Variants in KAZN observed in about 807,000 individuals in gnomAD.
KAZN encodes the protein kazrin, periplakin interacting protein.
Under a neutral mutation model 87.4 loss-of-function variants are expected in KAZN, and 40 were observed. The ratio of observed to expected loss-of-function variants is 0.46; its 90% CI spans 0.36 to 0.60. The LOEUF is 0.60. Ranked by LOEUF, KAZN falls within the 20% of genes least tolerant of loss-of-function variation. The pLI, the probability that KAZN is intolerant of heterozygous loss-of-function variation, is 0.00. For synonymous variants in KAZN, 466 were observed against 458.3 expected (o/e 1.02, Z -0.22); for missense variants, 898 against 1,073.9 (o/e 0.84, Z 2.29).
chr1:13,934,291 C>T (rs917233762), intron 1 of KAZN, among the ~76,000 whole-genome samples: 18 of 152,096 alleles, frequency 1.2e-4, no homozygotes, highest in Non-Finnish European at 5.9e-5. Context: ...TCCATTGGGG[C>T]ACTGGGGGTG....
At chr1:14,096,661 G>T (rs186378936) in intron 1 of KAZN, among the ~76,000 whole-genome samples, 2 of 152,320 alleles carry the variant, frequency 1.3e-5, no homozygotes, top group East Asian at 3.9e-4. Context: ...CAGAATATAG[G>T]AGAGGGCACT....
Position 14,047,041 on chromosome 1 carries a change from C to G in KAZN, c.92-133394C>G, listed in dbSNP as rs150570882. Among the ~76,000 whole-genome samples, 591 of 152,280 alleles carry G rather than the reference C, an allele frequency of 3.9e-3. 5 individuals carry two copies. The highest frequency in any genetic ancestry group is 0.014 in the African/African-American group (569 of 41,548). On this transcript the variant is annotated intron_variant, in intron 1 of 16. Transcript: ENST00000636203. ...GGGTCCACTTTATTTATTCCTTTGT[C>G]TGTCCACCCATCTGTCCATCTGTGC...
rs188249993 is a variant in KAZN, at chr1:14,735,004, T to C, written c.226+135781T>C. ...TTCAGGAGGCAGTAGGTGTGCCTTGTACGAGGATGTGCGTCTTGGTTTTGG... is the reference window on the plus strand; with the variant it reads ...TTCAGGAGGCAGTAGGTGTGCCTTGCACGAGGATGTGCGTCTTGGTTTTGG... On this transcript the variant is annotated intron_variant, in intron 1 of 14. Coordinates refer to ENST00000376030, the MANE Select transcript of KAZN (RefSeq NM_201628.3). The surrounding 1 kb of genome is among the most constrained non-coding windows in gnomAD (Gnocchi z 4.3). 3.3e-5 allele frequency among the ~76,000 whole-genome samples: 5 copies of C among 152,346 alleles called. No homozygotes were observed. The East Asian group carries it at 9.7e-4, about 29-fold the overall frequency.
chr1:15,082,272 C>T (rs1196511588), intron 8 of KAZN, among the ~76,000 whole-genome samples: 3 of 152,124 alleles, frequency 2.0e-5, no homozygotes, highest in African/African-American at 7.2e-5. Context: ...TGGTTCCCTG[C>T]GCCACCTCCA....
intron 8 of KAZN, among the ~76,000 whole-genome samples, chr1:15,075,551 G>A (rs1269870151): frequency 6.6e-6 from 1 of 152,296 alleles, no homozygotes; most frequent in South Asian, 2.1e-4. Context: ...CTTTGAGGGC[G>A]CTGTCAGTGG....
chr1:14,859,218 A>T (rs910058740), intron 1 of KAZN, among the ~76,000 whole-genome samples: 16 of 151,984 alleles, frequency 1.1e-4, no homozygotes, highest in African/African-American at 3.9e-4. Flanking sequence ...CTCAAAAAAA[A>T]AAAAAAAGAA....
chr1:14,596,308 G>GCGCACA (rs1491581024), upstream of KAZN, among the ~76,000 whole-genome samples: 7 of 150,190 alleles, frequency 4.7e-5, no homozygotes, highest in African/African-American at 1.7e-4. Context: ...ACACGTGTGC[G>GCGCACA]CACACACACA....
At chr1:14,741,432 G>C (rs1313729512) in intron 1 of KAZN, among the ~76,000 whole-genome samples, 3 of 152,204 alleles carry the variant, frequency 2.0e-5, no homozygotes, top group African/African-American at 7.2e-5. Context: ...TCTTGGGTTT[G>C]TTGGCTTTTA....
chr1:14,090,686 A>T (rs1040203187), intron 1 of KAZN, among the ~76,000 whole-genome samples: 2 of 152,164 alleles, frequency 1.3e-5, no homozygotes, highest in Non-Finnish European at 2.9e-5. Flanking sequence ...GTGTTTCTAC[A>T]CTGACTGGTG....
At chr1:14,554,555 A>G (rs1036575946) in intron 2 of KAZN, among the ~76,000 whole-genome samples, 3 of 152,208 alleles carry the variant, frequency 2.0e-5, no homozygotes, top group Non-Finnish European at 4.4e-5. Flanking sequence ...TGAAACTTTC[A>G]ACAGACAATG....
At chr1:14,943,333 C>T (rs1431943604) in intron 1 of KAZN, among the ~76,000 whole-genome samples, 1 of 151,998 alleles carries the variant, frequency 6.6e-6, no homozygotes, top group Non-Finnish European at 1.5e-5. Flanking sequence ...ATTAGGATTG[C>T]AGGATCACTT....
intron 2 of KAZN, among the ~76,000 whole-genome samples, chr1:15,003,095 A>G (rs78265696): frequency 0.1 from 15,309 of 152,148 alleles, 848 homozygotes; most frequent in South Asian, 0.18. Flanking sequence ...AAACGAAGGC[A>G]CCAAAGGCCC....
At chr1:14,450,642 G>T (rs893212817) in intron 2 of KAZN, among the ~76,000 whole-genome samples, 1 of 152,056 alleles carries the variant, frequency 6.6e-6, no homozygotes, top group Admixed American at 6.6e-5. Context: ...GCATGGTAGT[G>T]CCATTGTGAT....
intron 2 of KAZN, among the ~76,000 whole-genome samples, chr1:14,297,950 G>A (rs1654252220): frequency 6.6e-6 from 1 of 152,178 alleles, no homozygotes; most frequent in Non-Finnish European, 1.5e-5. Context: ...AATTGAAGCT[G>A]GGCGCGGTAT....
At position 14,988,436 on chromosome 1, in the gene KAZN, G is replaced by A. The variant is rs183130811; in HGVS notation, c.418+27561G>A. On this transcript the variant is annotated intron_variant, in intron 2 of 14. Transcript: ENST00000376030. The stretch of plus-strand genomic sequence containing the variant: ...AGGACTCACTTAAGGAATGAGGGCC[G>A]CCTGGCAGCTCCACCCGGCCCAGCC... Among the ~76,000 whole-genome samples the A allele has an allele frequency of 2.0e-3, 301 of 152,346 alleles. 3 individuals carry two copies. The highest frequency in any genetic ancestry group is 5.9e-3 in the African/African-American group (245 of 41,570).
chr1:14,447,941 A>G (rs139682921), intron 2 of KAZN, among the ~76,000 whole-genome samples: 165 of 152,366 alleles, frequency 1.1e-3, no homozygotes, highest in Non-Finnish European at 2.0e-3. Flanking sequence ...ATTATAACCT[A>G]AAACCTGGAA....
intron 1 of KAZN, among the ~76,000 whole-genome samples, chr1:14,729,122 G>A (rs1398451349): frequency 6.6e-6 from 1 of 152,166 alleles, no homozygotes; most frequent in African/African-American, 2.4e-5. Flanking sequence ...GCAGCACATG[G>A]ATCAGGATGG....
At position 15,055,585 on chromosome 1, in the gene KAZN, A is replaced by C. The variant is rs1287360379; in HGVS notation, c.727-506A>C. Reference sequence around the variant, plus strand: ...GGGTGAGTTAACTTGACACAAATGCATCCATGTGACAAAAGTCAGACAGAA... The same window carrying C: ...GGGTGAGTTAACTTGACACAAATGCCTCCATGTGACAAAAGTCAGACAGAA... On this transcript the variant is annotated intron_variant, in intron 4 of 14. Coordinates refer to ENST00000376030, the MANE Select transcript of KAZN (RefSeq NM_201628.3). Among the ~76,000 whole-genome samples, 3 of 152,290 alleles carry C rather than the reference A, an allele frequency of 2.0e-5. No individual in the cohort carries two copies. In the South Asian group the frequency reaches 6.2e-4, roughly 32 times the overall value.
At chr1:15,028,891 G>C (rs1322140036) in intron 2 of KAZN, among the ~76,000 whole-genome samples, 1 of 152,170 alleles carries the variant, frequency 6.6e-6, no homozygotes, top group African/African-American at 2.4e-5. Flanking sequence ...TGGGCTGCAT[G>C]TAACAATAAA....
Sources: allele counts gnomAD v4.1 joint callset (sites outside exome capture counted in the v4.1 genomes callset), GRCh38; gene constraint gnomAD v4.1.1; non-coding constraint Gnocchi (gnomAD v3.1); transcripts MANE v1.5; gene names NCBI Gene and HGNC (gene_info 2026-07-23, HGNC 2026-07-21).